Variants in VPS13A observed in about 807,000 individuals in gnomAD.
The protein encoded by VPS13A is intermembrane lipid transfer protein VPS13A.
VPS13A carries 264 observed loss-of-function variants against 390.9 expected under a neutral mutation model. The observed-to-expected ratio is 0.68, with a 90% CI of 0.61 to 0.75. The LOEUF (loss-of-function observed/expected upper bound fraction) is 0.75, where lower values mean the gene tolerates loss of function less well. Ranked by LOEUF, VPS13A falls within the 30% of genes least tolerant of loss-of-function variation. VPS13A has a pLI of 0.00. For missense variants in VPS13A, 3,409 were observed against 3,733.9 expected (o/e 0.91, Z 2.27); for synonymous variants, 1,231 against 1,227.1 (o/e 1.00, Z -0.07).
At chr9:77,389,392 A>C (rs1049971025) in intron 68 of VPS13A, among the ~76,000 whole-genome samples, 2 of 150,556 alleles carry the variant, frequency 1.3e-5, no homozygotes, top group African/African-American at 4.9e-5. Flanking sequence ...CTGTATCCTC[A>C]AACTATGGAC....
chr9:77,276,395 C>T (rs977180193), intron 26 of VPS13A, among the ~76,000 whole-genome samples, 174 bp downstream of exon 26: 6 of 151,744 alleles, frequency 4.0e-5, no homozygotes, highest in African/African-American at 9.7e-5. Flanking sequence ...GGGGGCACAC[C>T]GGAGATAAAA....
chr9:77,302,716 C>T (rs1360286979), intron 33 of VPS13A, among the ~76,000 whole-genome samples, 199 bp from the exon 34 acceptor site: 2 of 151,962 alleles, frequency 1.3e-5, no homozygotes, highest in Non-Finnish European at 2.9e-5. Context: ...GTGTAAGTCA[C>T]CCAGGTTTCT....
rs748828128 is a variant in VPS13A, at chr9:77,356,791, TAGAG to T, written c.7736_7739del (p.Arg2579AsnfsTer26). The stretch of plus-strand genomic sequence containing the variant: ...ATGAGTGTAAAGCACACTGAGAAGT[TAGAG>T]AGAGAATTTAAGGAATATACTGAAT... On this transcript the variant is annotated frameshift_variant, in exon 55 of 72. Transcript: ENST00000360280. LOFTEE classifies it high-confidence loss of function. The T allele has an allele frequency of 2.0e-5, 33 of 1,613,750 alleles. No individual in the cohort carries two copies. Among genetic ancestry groups the T allele is most frequent in the African/African-American group, 2.7e-5 (2 of 74,890 alleles).
intron 53 of VPS13A, 61 bp downstream of exon 53, chr9:77,351,507 G>A (rs1026432764): frequency 3.8e-6 from 6 of 1,590,330 alleles, no homozygotes; most frequent in Admixed American, 1.7e-5. Context: ...ATTTGGGCCG[G>A]GTGCGGTGGC....
intron 67 of VPS13A, 92 bp from the exon 68 acceptor site, chr9:77,381,884 G>C (rs1049000804): frequency 6.1e-6 from 5 of 816,444 alleles, no homozygotes; most frequent in Non-Finnish European, 9.9e-6. Flanking sequence ...TTTTTAATCT[G>C]AAATAAGATT....
At chr9:77,314,785 A>G (rs1339441128) in intron 37 of VPS13A, 121 bp downstream of exon 37, 13 of 932,650 alleles carry the variant, frequency 1.4e-5, no homozygotes, top group African/African-American at 3.3e-5. Context: ...TAAAGCTTCA[A>G]TTCAGTCAGC....
At chr9:77,336,802 C>CTTTTTTT (rs1221241397) in intron 46 of VPS13A, among the ~76,000 whole-genome samples, 6 of 107,988 alleles carry the variant, frequency 5.6e-5, no homozygotes, top group African/African-American at 1.7e-4. Context: ...ATTTATCTAT[C>CTTTTTTT]TTTTTTTTTT....
intron 21 of VPS13A, among the ~76,000 whole-genome samples, chr9:77,250,963 G>A (rs1041573763): frequency 9.9e-5 from 15 of 152,194 alleles, no homozygotes; most frequent in African/African-American, 3.6e-4. Context: ...ATCTGTTGAA[G>A]AGATCCATAT....
At chr9:77,390,023 C>G (rs949232492) in intron 68 of VPS13A, 1 of 956,900 alleles carries the variant, frequency 1.0e-6, no homozygotes, top group Non-Finnish European at 1.2e-6. Context: ...CGTCAGCCGA[C>G]GTGGTCTTTC....
rs766957571 is a variant in VPS13A, at chr9:77,370,535, G to A, written c.8864G>A (p.Gly2955Asp). The A allele has an allele frequency of 8.7e-6, 14 of 1,614,044 alleles. No individual in the cohort carries two copies. The highest frequency in any genetic ancestry group is 3.3e-4 in the Middle Eastern group (2 of 6,082). Reference protein sequence around the residue: ...RREAMNKQPAGFREGITRGGK... With the variant: ...RREAMNKQPADFREGITRGGK... ...GAAGCCATGAATAAGCAACCAGCTG[G>A]TTTTAGAGAAGGCATCACTCGTGGA... The change falls in exon 65 of 72, where the codon GGT (glycine) becomes GAT (aspartate). Residue 2955 changes from glycine to aspartate, a missense_variant. Around this residue, in one of 5 missense-constraint regions of VPS13A, gnomAD observed 318 missense variants for 333.7 expected, o/e 0.95. Coordinates refer to ENST00000360280, the MANE Select transcript of VPS13A (RefSeq NM_033305.3).
chr9:77,238,808 A>G (rs1212212458), intron 19 of VPS13A, among the ~76,000 whole-genome samples: 1 of 152,232 alleles, frequency 6.6e-6, no homozygotes, highest in Non-Finnish European at 1.5e-5. Flanking sequence ...GCTTAATGGT[A>G]AAACCACTTG....
chr9:77,352,691 T>C (rs779653381), intron 53 of VPS13A, among the ~76,000 whole-genome samples: 1 of 152,158 alleles, frequency 6.6e-6, no homozygotes, highest in Non-Finnish European at 1.5e-5. Flanking sequence ...TTTAGTGATA[T>C]ACATATATAT....
chr9:77,373,957 C>G (rs1832935019), intron 67 of VPS13A, among the ~76,000 whole-genome samples: 1 of 152,192 alleles, frequency 6.6e-6, no homozygotes, highest in East Asian at 1.9e-4. Flanking sequence ...TCATTCCTAG[C>G]AGGCTTGCAG....
intron 46 of VPS13A, among the ~76,000 whole-genome samples, chr9:77,336,064 G>C (rs1382097608): frequency 6.6e-6 from 1 of 152,118 alleles, no homozygotes; most frequent in Admixed American, 6.5e-5. Flanking sequence ...CAGGGACATG[G>C]GTGAAGCTGG....
intron 62 of VPS13A, among the ~76,000 whole-genome samples, chr9:77,368,385 C>A (rs1047488144): frequency 6.6e-6 from 1 of 152,084 alleles, no homozygotes; most frequent in African/African-American, 2.4e-5. Flanking sequence ...ATAAATAAAT[C>A]TTTAAATAAA....
At chr9:77,232,201 T>C (rs562201985) in intron 17 of VPS13A, among the ~76,000 whole-genome samples, 1 of 152,318 alleles carries the variant, frequency 6.6e-6, no homozygotes, top group African/African-American at 2.4e-5. Flanking sequence ...GGAAGTGTCT[T>C]CCCTATTTTG....
At position 77,403,242 on chromosome 9, in the gene VPS13A, GA is replaced by G; in HGVS notation, c.9200del (p.Asn3067MetfsTer14). On this transcript the variant is annotated frameshift_variant, in exon 69 of 72. Transcript: ENST00000360280. LOFTEE classifies it high-confidence loss of function. ...TCTCACTTTTTTCTTTTAGGTCATGGAAAATGGAAGATTTGCAAAATACAAA... is the reference window on the plus strand; with the variant it reads ...TCTCACTTTTTTCTTTTAGGTCATGGAAATGGAAGATTTGCAAAATACAAA... ...GTGNQMLQVMENGRFAKYKYF... is the reference protein window; with the variant it reads ...GTGNQMLQVMXNGRFAKYKYF... 1 of 1,611,144 alleles carries G rather than the reference GA, an allele frequency of 6.2e-7. No homozygotes were observed. The highest frequency in any genetic ancestry group is 8.5e-7 in the Non-Finnish European group (1 of 1,178,770).
At chr9:77,207,160 C>T (rs1825681078) in intron 5 of VPS13A, among the ~76,000 whole-genome samples, 1 of 132,804 alleles carries the variant, frequency 7.5e-6, no homozygotes, top group Middle Eastern at 4.5e-3. Context: ...CAGGCCCGCA[C>T]CTATATTACT....
intron 68 of VPS13A, among the ~76,000 whole-genome samples, chr9:77,402,150 A>C (rs1395500848): frequency 6.6e-6 from 1 of 152,204 alleles, no homozygotes; most frequent in East Asian, 1.9e-4. Flanking sequence ...TACCTACTAC[A>C]GTAAATAGTA....
Sources: gnomAD v4.1 joint callset for allele counts (sites outside exome capture counted in the v4.1 genomes callset) on GRCh38, gnomAD v4.1.1 for gene constraint, gnomAD v4.1.1 regional missense constraint, MANE v1.5 for transcripts, NCBI Gene and HGNC (gene_info 2026-07-23, HGNC 2026-07-21) for gene names.